Variants in ITPR2 observed in about 807,000 individuals in gnomAD.
ITPR2 encodes the protein inositol 1,4,5-trisphosphate-gated calcium channel ITPR2.
Under a neutral mutation model 317.1 loss-of-function variants are expected in ITPR2, and 207 were observed. The observed-to-expected ratio is 0.65, with a 90% confidence interval of 0.58 to 0.73. ITPR2 has a LOEUF of 0.73. Among genes scored for constraint, ITPR2 ranks in the 30% least tolerant of loss-of-function variants. ITPR2 has a pLI of 0.00. For missense variants in ITPR2, 2,613 were observed against 3,284.0 expected (o/e 0.80, Z 4.99); for synonymous variants, 1,156 against 1,149.1 (o/e 1.01, Z -0.12).
intron 55 of ITPR2, among the ~76,000 whole-genome samples, chr12:26,379,380 A>G (rs1939438112): frequency 6.6e-6 from 1 of 152,208 alleles, no homozygotes; most frequent in Non-Finnish European, 1.5e-5. Flanking sequence ...TGGCATGATT[A>G]GTGGCTATTA....
At chr12:26,709,345 AG>A (rs1262620473) in intron 9 of ITPR2, among the ~76,000 whole-genome samples, 1 of 152,224 alleles carries the variant, frequency 6.6e-6, no homozygotes, top group African/African-American at 2.4e-5. Flanking sequence ...GTCAAAGAAA[AG>A]GTCCTCTAAA....
At chr12:26,381,388 T>C (rs766906559) in intron 55 of ITPR2, among the ~76,000 whole-genome samples, 8 of 152,238 alleles carry the variant, frequency 5.3e-5, no homozygotes, top group Admixed American at 1.3e-4. Context: ...ATTCATTCAA[T>C]AAATGTTTTG....
Position 26,628,100 on chromosome 12 carries a change from C to T in ITPR2, c.2997G>A (p.Glu999=). The part of the protein sequence containing the change: ...ISYMLSIYKK[E]FGEDNDNAET... ...CCGCATTGTCATTGTCCTCTCCAAA[C>T]TCCTTCTTATATATTGACAGCATAT... The change falls in exon 23 of 57, where the codon GAG becomes GAA. Residue 999 remains glutamate (E), a synonymous_variant. Transcript: ENST00000381340. 1 of 1,612,180 alleles carries T rather than the reference C, an allele frequency of 6.2e-7. No individual in the cohort carries two copies. Among genetic ancestry groups the T allele is most frequent in the Middle Eastern group, 1.7e-4 (1 of 6,060 alleles).
chr12:26,595,440 C>A, intron 32 of ITPR2, 25 bp downstream of exon 32: 1 of 1,597,338 alleles, frequency 6.3e-7, no homozygotes, highest in South Asian at 1.1e-5. Context: ...TATTGACACC[C>A]TTCAGTAGTC....
intron 5 of ITPR2, chr12:26,721,205 G>GGT: frequency 5.0e-6 from 2 of 404,006 alleles, no homozygotes; most frequent in Non-Finnish European, 9.0e-6. Flanking sequence ...AAAAAGTAGG[G>GGT]TTTTTTTTTT....
chr12:26,792,301 G>A (rs539411820), intron 1 of ITPR2, among the ~76,000 whole-genome samples: 1 of 151,962 alleles, frequency 6.6e-6, no homozygotes, highest in African/African-American at 2.4e-5. Context: ...GGAAGGAAAC[G>A]ACAAGAAGAA....
chr12:26,626,130 T>C (rs528652447), intron 23 of ITPR2, among the ~76,000 whole-genome samples: 1 of 152,156 alleles, frequency 6.6e-6, no homozygotes, highest in Admixed American at 6.5e-5. Context: ...ACTGGCTAAT[T>C]TTTTTGTATT....
chr12:26,728,974 T>C (rs151165553), intron 2 of ITPR2, among the ~76,000 whole-genome samples: 658 of 152,288 alleles, frequency 4.3e-3, no homozygotes, highest in Middle Eastern at 6.8e-3. Context: ...TTTGCAAAAA[T>C]TTTCTCCCAT....
chr12:26,478,934 A>G (rs1284870928), intron 43 of ITPR2, among the ~76,000 whole-genome samples: 1 of 152,096 alleles, frequency 6.6e-6, no homozygotes, highest in Non-Finnish European at 1.5e-5. Flanking sequence ...AAATTCAGGA[A>G]TGAATGACAT....
At chr12:26,690,125 C>A (rs527286209) in intron 10 of ITPR2, among the ~76,000 whole-genome samples, 1 of 152,160 alleles carries the variant, frequency 6.6e-6, no homozygotes, top group East Asian at 1.9e-4. Flanking sequence ...ATACAAATAA[C>A]CTAAAGGATT....
rs551694975 is a variant in ITPR2 at position 26,680,558 on chromosome 12, TGATA to T, written c.1409+1312_1409+1315del. ...TTGGTGCTCTTTGTTACTCAGAAACTGATAGATAAAATCACATTTACTTCAAAAT... is the reference window on the plus strand; with the variant it reads ...TTGGTGCTCTTTGTTACTCAGAAACTGATAAAATCACATTTACTTCAAAAT... On this transcript the variant is annotated intron_variant, in intron 13 of 56. Transcript: ENST00000381340. 9.8e-5 allele frequency among the ~76,000 whole-genome samples: 15 copies of T among 152,302 alleles called. No homozygotes were observed. In the South Asian group the frequency reaches 2.9e-3, roughly 29 times the overall value.
chr12:26,696,920 C>A (rs1312446509), intron 9 of ITPR2, among the ~76,000 whole-genome samples: 1 of 152,196 alleles, frequency 6.6e-6, no homozygotes, highest in Admixed American at 6.5e-5. Flanking sequence ...CATGACCAAA[C>A]AGATGCTCAG....
At chr12:26,695,775 G>C (rs1948334098) in intron 9 of ITPR2, 125 bp from the exon 10 acceptor site, 1 of 650,064 alleles carries the variant, frequency 1.5e-6, no homozygotes, top group Non-Finnish European at 2.7e-6. Flanking sequence ...TGCTAAGAAA[G>C]AAACTATTAG....
intron 9 of ITPR2, among the ~76,000 whole-genome samples, chr12:26,696,650 C>T (rs1163963530): frequency 3.9e-5 from 6 of 152,132 alleles, no homozygotes; most frequent in Non-Finnish European, 7.4e-5. Context: ...TGAACTGATG[C>T]TAATTATAAA....
At position 26,556,291 on chromosome 12, in the gene ITPR2, C is replaced by T; in HGVS notation, c.4906G>A (p.Glu1636Lys). ...SVLVDVLYSP[E>K]LLFPEGSDAR... ...TCGCTTCCCTCAGGGAACAGCAGTTCTGGACTGTACAATACATCAACCAAC... is the reference window on the plus strand; with the variant it reads ...TCGCTTCCCTCAGGGAACAGCAGTTTTGGACTGTACAATACATCAACCAAC... The change falls in exon 36 of 57, where the codon GAA becomes AAA. Residue 1636 changes from glutamate to lysine, a missense_variant. Glu to Lys is a moderately conservative substitution (Grantham distance 56). Around this residue, in one of 9 missense-constraint regions of ITPR2, gnomAD observed 926 missense variants for 1,072.8 expected, o/e 0.86. Transcript: ENST00000381340. 6.2e-7 allele frequency: 1 copy of T among 1,614,040 alleles called. No individual in the cohort carries two copies. The highest frequency in any genetic ancestry group is 8.5e-7 in the Non-Finnish European group (1 of 1,179,950).
At chr12:26,679,549 G>C (rs1165825181) in intron 13 of ITPR2, among the ~76,000 whole-genome samples, 1 of 152,018 alleles carries the variant, frequency 6.6e-6, no homozygotes, top group Admixed American at 6.6e-5. Context: ...TTGTCACAAT[G>C]ACTTCCTTGC....
rs1555173885 is a variant in ITPR2 at position 26,666,162 on chromosome 12, A to AT, written c.1410-112dup. 2,407 of 399,914 alleles carry AT rather than the reference A, an allele frequency of 6.0e-3. 10 individuals carry two copies. Among genetic ancestry groups the AT allele is most frequent in the East Asian group, 0.021 (547 of 26,516 alleles). The allele number at this position is 399,914 out of a possible 1,614,324, so 24.8% of individuals were successfully genotyped here. Reference sequence around the variant, plus strand: ...GATAGATAGATAGATAGATAGATAGATTTTTTTTTACTTTTTCTTCAGGAG... The same window carrying AT: ...GATAGATAGATAGATAGATAGATAGATTTTTTTTTTACTTTTTCTTCAGGAG... On this transcript the variant is annotated intron_variant, in intron 13 of 56. Coordinates refer to ENST00000381340, the MANE Select transcript of ITPR2 (RefSeq NM_002223.4).
At chr12:26,475,249 C>T (rs1157350708) in intron 45 of ITPR2, 47 bp downstream of exon 45, 29 of 1,604,956 alleles carry the variant, frequency 1.8e-5, no homozygotes, top group Non-Finnish European at 2.2e-5. Context: ...ATACAAAACA[C>T]GATTGATAGG....
At chr12:26,431,288 T>C (rs897945713) in intron 48 of ITPR2, among the ~76,000 whole-genome samples, 1 of 152,160 alleles carries the variant, frequency 6.6e-6, no homozygotes, top group African/African-American at 2.4e-5. Flanking sequence ...ATGGCATCAA[T>C]TTTCTCCACT....
Sources: gnomAD v4.1 joint callset for allele counts (sites outside exome capture counted in the v4.1 genomes callset) on GRCh38, gnomAD v4.1.1 for gene constraint, gnomAD v4.1.1 regional missense constraint, MANE v1.5 for transcripts, NCBI Gene and HGNC (gene_info 2026-07-23, HGNC 2026-07-21) for gene names.